The following MAML1 variants were observed in gnomAD, a reference collection of about 807,000 sequenced individuals.
MAML1 encodes mastermind like transcriptional coactivator 1.
MAML1 carries 14 observed loss-of-function variants against 77.1 expected under a neutral mutation model. That is an observed-to-expected ratio of 0.18 (90% CI 0.12 to 0.28). The LOEUF is 0.28. Ranked by LOEUF, MAML1 falls within the 10% of genes least tolerant of loss-of-function variation. MAML1 has a pLI of 1.00. For synonymous variants in MAML1, 516 were observed against 551.9 expected (o/e 0.93, Z 0.91); for missense variants, 1,217 against 1,327.8 (o/e 0.92, Z 1.30).
intron 1 of MAML1, among the ~76,000 whole-genome samples, chr5:179,750,067 A>G (rs754102268): frequency 6.6e-6 from 1 of 152,248 alleles, no homozygotes; most frequent in Non-Finnish European, 1.5e-5. Flanking sequence ...TCCATCCAGC[A>G]GGGGCAGTGC....
chr5:179,745,967 G>A (rs183229825), intron 1 of MAML1, among the ~76,000 whole-genome samples: 78 of 151,364 alleles, frequency 5.2e-4, no homozygotes, highest in Non-Finnish European at 9.6e-4. Flanking sequence ...TGGGGAGGCG[G>A]AGGTTTCGAT....
rs1351937031 is a variant in MAML1, at chr5:179,771,776, C to G, written c.2068+533C>G. Among the ~76,000 whole-genome samples, 1 of 152,196 alleles carries G rather than the reference C, an allele frequency of 6.6e-6. No individual in the cohort carries two copies. The highest frequency in any genetic ancestry group is 1.9e-4 in the East Asian group (1 of 5,190). Reference sequence around the variant, plus strand: ...TGTGCCAGGGAACTTCATAGGCCATCCCTCCAGAAATGCACAAAGATTTCA... The same window carrying G: ...TGTGCCAGGGAACTTCATAGGCCATGCCTCCAGAAATGCACAAAGATTTCA... On this transcript the variant is annotated intron_variant, in intron 4 of 4. Transcript: ENST00000292599. The surrounding 1 kb of genome is among the most constrained non-coding windows in gnomAD (Gnocchi z 4.7).
rs71001044 is a variant in MAML1, at chr5:179,747,808, C to CAAAAAA, written c.315+14397_315+14402dup. Among the ~76,000 whole-genome samples, 372 of 40,694 alleles carry CAAAAAA rather than the reference C, an allele frequency of 9.1e-3. 44 individuals are homozygous for CAAAAAA. The highest frequency in any genetic ancestry group is 0.027 in the African/African-American group (275 of 10,088). 26.7% of individuals were successfully genotyped at this position (40,694 alleles called of 152,430 possible). On this transcript the variant is annotated intron_variant, in intron 1 of 4. Coordinates refer to ENST00000292599, the MANE Select transcript of MAML1 (RefSeq NM_014757.5). ...CCTGGGCGACAGCGAGACTCCATCTCAAAAAAAAAAAAAAAAAAAAAGAAG... is the reference window on the plus strand; with the variant it reads ...CCTGGGCGACAGCGAGACTCCATCTCAAAAAAAAAAAAAAAAAAAAAAAAAAAGAAG...
At chr5:179,743,597 C>T (rs1481247533) in intron 1 of MAML1, among the ~76,000 whole-genome samples, 1 of 150,952 alleles carries the variant, frequency 6.6e-6, no homozygotes, top group African/African-American at 2.4e-5. Flanking sequence ...GATCTCCTAA[C>T]CTTGCGATCC....
At chr5:179,745,375 TA>T (rs1358331090) in intron 1 of MAML1, among the ~76,000 whole-genome samples, 1 of 152,118 alleles carries the variant, frequency 6.6e-6, no homozygotes, top group Non-Finnish European at 1.5e-5. Flanking sequence ...TTTGTTTTTG[TA>T]AATTTAAGTC....
At position 179,733,645 on chromosome 5, in the gene MAML1, G is replaced by T. The variant is rs760542934; in HGVS notation, c.315+218G>T. Among the ~76,000 whole-genome samples the T allele has an allele frequency of 3.4e-4, 52 of 152,260 alleles. 1 individual carries two copies. Among genetic ancestry groups the T allele is most frequent in the Non-Finnish European group, 5.6e-4 (38 of 68,034 alleles). Reference sequence around the variant, plus strand: ...GGGAAAACAGCGCCTTGAGGGCCTTGCAGGAGGCCCGACCTGGGAAGGCTG... The same window carrying T: ...GGGAAAACAGCGCCTTGAGGGCCTTTCAGGAGGCCCGACCTGGGAAGGCTG... On this transcript the variant is annotated intron_variant, in intron 1 of 4. Coordinates refer to ENST00000292599, the MANE Select transcript of MAML1 (RefSeq NM_014757.5).
At position 179,776,897 on chromosome 5, in the gene MAML1, T is replaced by C. The variant is rs1248283093; in HGVS notation, c.*2020T>C. ...CGGGAGTCAGGGGAGGAGATGACTT[T>C]GCTTCTGTGCACAGCCCCGTCTTCC... On this transcript the variant is annotated 3_prime_UTR_variant, in exon 5 of 5. Transcript: ENST00000292599. 2.0e-6 allele frequency: 2 copies of C among 985,812 alleles called. No homozygotes were observed. The highest frequency in any genetic ancestry group is 6.1e-5 in the Admixed American group (1 of 16,272). The allele number at this position is 985,812 out of a possible 1,614,324, so 61.1% of individuals were successfully genotyped here. A position where few individuals can be genotyped will look rare whatever the true frequency, so the allele number is the denominator to read the frequency against.
At chr5:179,759,303 T>A (rs1039542995) in intron 1 of MAML1, among the ~76,000 whole-genome samples, 1 of 152,180 alleles carries the variant, frequency 6.6e-6, no homozygotes, top group Non-Finnish European at 1.5e-5. Context: ...TCAGGAAACC[T>A]TGTGTAATTT....
At chr5:179,761,380 A>G (rs1387404922) in intron 1 of MAML1, among the ~76,000 whole-genome samples, 1 of 151,688 alleles carries the variant, frequency 6.6e-6, no homozygotes, top group East Asian at 1.9e-4. Context: ...TGGGTGACAG[A>G]GTGAGACCCT....
intron 1 of MAML1, among the ~76,000 whole-genome samples, chr5:179,753,222 T>TGTGTGTGTGCGC (rs1491538366): frequency 3.2e-5 from 1 of 31,444 alleles, no homozygotes; most frequent in African/African-American, 6.3e-5. Context: ...TGTGTGTGTG[T>TGTGTGTGTGCGC]GCGCGCGCGC....
Position 179,765,650 on chromosome 5 carries a change from A to G in MAML1, c.640A>G (p.Lys214Glu). ...PSESFPLSLN[K>E]ELKQEPVEDL... Reference sequence around the variant, plus strand: ...TGAGTCATTTCCTCTGAGCCTGAATAAAGAACTGAAGCAGGAGCCTGTCGA... The same window carrying G: ...TGAGTCATTTCCTCTGAGCCTGAATGAAGAACTGAAGCAGGAGCCTGTCGA... The change falls in exon 2 of 5, where the codon AAA becomes GAA. Residue 214 changes from lysine (K) to glutamate (E), a missense_variant. Transcript: ENST00000292599. 2 of 1,614,194 alleles carry G rather than the reference A, an allele frequency of 1.2e-6. No homozygotes were observed. The highest frequency in any genetic ancestry group is 1.7e-6 in the Non-Finnish European group (2 of 1,180,030).
chr5:179,758,820 T>C (rs1779673206), intron 1 of MAML1, among the ~76,000 whole-genome samples: 1 of 152,184 alleles, frequency 6.6e-6, no homozygotes, highest in Middle Eastern at 3.4e-3. Context: ...CTCGCCAACA[T>C]GGTGAAACCC....
intron 1 of MAML1, among the ~76,000 whole-genome samples, chr5:179,745,659 G>A (rs1779364271): frequency 6.6e-6 from 1 of 151,524 alleles, no homozygotes; most frequent in South Asian, 2.1e-4. Context: ...AGGAGATCGA[G>A]ACCATCCTGG....
intron 1 of MAML1, among the ~76,000 whole-genome samples, chr5:179,759,868 G>A (rs1779693714): frequency 6.6e-6 from 1 of 152,222 alleles, no homozygotes; most frequent in African/African-American, 2.4e-5. Context: ...AGAGATATGT[G>A]TGTTAATGAA....
intron 1 of MAML1, among the ~76,000 whole-genome samples, chr5:179,762,717 A>G (rs1472776434): frequency 2.6e-5 from 4 of 152,084 alleles, no homozygotes; most frequent in African/African-American, 7.2e-5. Context: ...GCCCATCTCT[A>G]TTGTGATTCT....
rs754426150 is a variant in MAML1 at position 179,766,554 on chromosome 5, C to T, written c.1544C>T (p.Thr515Ile). 3.7e-6 allele frequency: 6 copies of T among 1,606,824 alleles called. No individual in the cohort carries two copies. Among genetic ancestry groups the T allele is most frequent in the Non-Finnish European group, 5.1e-6 (6 of 1,175,396 alleles). Residue 515 changes from threonine to isoleucine, a missense_variant, in exon 2 of 5, where the codon ACA becomes ATA. Thr to Ile is a moderately conservative substitution (Grantham distance 89). This residue lies in a region of MAML1 where 884 missense variants were observed against 949.3 expected (regional missense o/e 0.93). Transcript: ENST00000292599. This position sits in a 1 kb window ranked among gnomAD's most constrained non-coding sequence, Gnocchi z 4.0. Reference sequence around the variant, plus strand: ...GGGTCTGTGCTGGACTACGGCAATACAAAACCCCTTTCTCATTACAAAGCG... The same window carrying T: ...GGGTCTGTGCTGGACTACGGCAATATAAAACCCCTTTCTCATTACAAAGCG... ...NQGSVLDYGN[T>I]KPLSHYKADC...
chr5:179,754,985 GAGAA>G (rs1470833327), intron 1 of MAML1, among the ~76,000 whole-genome samples: 3 of 152,204 alleles, frequency 2.0e-5, no homozygotes, highest in Non-Finnish European at 2.9e-5. Context: ...TTACAGAAGA[GAGAA>G]AGAAAAGAGT....
At chr5:179,752,346 A>AT (rs1472280681) in intron 1 of MAML1, among the ~76,000 whole-genome samples, 206 of 90,522 alleles carry the variant, frequency 2.3e-3, no homozygotes, top group African/African-American at 9.0e-3. Flanking sequence ...AAAAAAAAAA[A>AT]AAAAATATAT....
rs1779869666 is a variant in MAML1 at position 179,768,885 on chromosome 5, G to A, written c.1767G>A (p.Gln589=). ...QNPSSVPVQA[Q]ATSVGTQPPA... ...CTTCCAGTGTCCCTGTGCAAGCCCAGGCTACCAGTGTTGGGACCCAGCCGC... is the reference window on the plus strand; with the variant it reads ...CTTCCAGTGTCCCTGTGCAAGCCCAAGCTACCAGTGTTGGGACCCAGCCGC... The change falls in exon 3 of 5, where the codon CAG becomes CAA. Residue 589 remains glutamine (Q), a synonymous_variant. Transcript: ENST00000292599. 2 of 1,614,078 alleles carry A rather than the reference G, an allele frequency of 1.2e-6. No homozygotes were observed. Among genetic ancestry groups the A allele is most frequent in the Non-Finnish European group, 1.7e-6 (2 of 1,180,048 alleles).
Sources: allele counts gnomAD v4.1 joint callset (sites outside exome capture counted in the v4.1 genomes callset), GRCh38; gene constraint gnomAD v4.1.1; regional missense constraint gnomAD v4.1.1; non-coding constraint Gnocchi (gnomAD v3.1); transcripts MANE v1.5; gene names NCBI Gene and HGNC (gene_info 2026-07-23, HGNC 2026-07-21).